The following SAMD4A variants were observed in gnomAD, a reference collection of about 807,000 sequenced individuals.
SAMD4A encodes the protein protein Smaug homolog 1.
In SAMD4A, 33 loss-of-function variants were observed where a neutral mutation model predicts 81.3. The observed-to-expected ratio is 0.41, with a 90% confidence interval of 0.31 to 0.54. The LOEUF is 0.54. Among genes scored for constraint, SAMD4A ranks in the 20% least tolerant of loss-of-function variants. SAMD4A has a pLI of 0.37. For missense variants in SAMD4A, 854 were observed against 951.1 expected, an observed-to-expected ratio of 0.90 and a Z score of 1.34; for synonymous variants, 389 against 382.1, an observed-to-expected ratio of 1.02 and a Z score of -0.21.
intron 11 of SAMD4A, among the ~76,000 whole-genome samples, chr14:54,779,567 T>C (rs900789984): frequency 3.3e-5 from 5 of 152,156 alleles, no homozygotes; most frequent in African/African-American, 1.2e-4. Context: ...AATTCATCAG[T>C]CACCTTGCTC....
At chr14:54,712,184 C>G (rs1450418387) in intron 3 of SAMD4A, among the ~76,000 whole-genome samples, 2 of 151,958 alleles carry the variant, frequency 1.3e-5, no homozygotes, top group African/African-American at 4.8e-5. Context: ...TCATCCCCAC[C>G]CAAAGCCTTT....
intron 2 of SAMD4A, among the ~76,000 whole-genome samples, chr14:54,678,065 T>C (rs1203019840): frequency 6.6e-6 from 1 of 152,218 alleles, no homozygotes; most frequent in East Asian, 1.9e-4. Context: ...AATTCAAATA[T>C]AAGTTTTGCA....
intron 2 of SAMD4A, among the ~76,000 whole-genome samples, chr14:54,632,221 A>C (rs1024102841): frequency 2.0e-5 from 3 of 152,086 alleles, no homozygotes; most frequent in Non-Finnish European, 4.4e-5. Context: ...TTAGATATAC[A>C]AAAAAAATGC....
intron 7 of SAMD4A, among the ~76,000 whole-genome samples, chr14:54,760,775 G>C (rs1019618551): frequency 6.6e-6 from 1 of 152,172 alleles, no homozygotes; most frequent in Non-Finnish European, 1.5e-5. Flanking sequence ...AGTGCTCATT[G>C]GGCCAGTGGA....
chr14:54,628,433 G>A (rs952641661), intron 2 of SAMD4A, among the ~76,000 whole-genome samples: 1 of 152,160 alleles, frequency 6.6e-6, no homozygotes, highest in Non-Finnish European at 1.5e-5. Flanking sequence ...TACTGCAGCA[G>A]TATAACTCTG....
intron 4 of SAMD4A, among the ~76,000 whole-genome samples, chr14:54,744,235 G>A (rs777516347): frequency 1.3e-5 from 2 of 152,126 alleles, no homozygotes; most frequent in African/African-American, 2.4e-5. Context: ...CAGCAATATC[G>A]ATCCCATCTT....
At chr14:54,670,284 GGTTACC>G (rs1357061605) in intron 2 of SAMD4A, among the ~76,000 whole-genome samples, 1 of 152,152 alleles carries the variant, frequency 6.6e-6, no homozygotes, top group Non-Finnish European at 1.5e-5. Context: ...TGTGAAAGTA[GGTTACC>G]GTTCATCTGG....
In SAMD4A at chr14:54,635,051, A is replaced by G. The variant is rs1020961254; in HGVS notation, c.196+66939A>G. On this transcript the variant is annotated intron_variant, in intron 2 of 12. Transcript: ENST00000554335. The stretch of plus-strand genomic sequence containing the variant: ...GAACTTGTTTTTCAAGAACATTTGT[A>G]GATAAAAGTGAGTCTCATTTCTTAA... Among the ~76,000 whole-genome samples the G allele has an allele frequency of 2.0e-5, 3 of 152,222 alleles. No homozygotes were observed. In the East Asian group the frequency reaches 5.8e-4, roughly 29 times the overall value.
chr14:54,580,301 A>G (rs2033426654), intron 2 of SAMD4A, among the ~76,000 whole-genome samples: 1 of 152,216 alleles, frequency 6.6e-6, no homozygotes, highest in African/African-American at 2.4e-5. Flanking sequence ...GACTACATTC[A>G]TTAAAATGGT....
rs144610586 is a variant in SAMD4A at position 54,706,971 on chromosome 14, G to T, written c.715+4391G>T. On this transcript the variant is annotated intron_variant, in intron 3 of 12. Transcript: ENST00000554335. The stretch of plus-strand genomic sequence containing the variant: ...GTGGCATCTGACAAGTGCAGAGTCA[G>T]CAAGTTTCAAAGTTTTGAAGTAATA... Among the ~76,000 whole-genome samples, 475 of 152,262 alleles carry T rather than the reference G, an allele frequency of 3.1e-3. 1 individual carries two copies. The highest frequency in any genetic ancestry group is 0.011 in the African/African-American group (464 of 41,562).
chr14:54,639,669 T>C (rs2035123041), intron 2 of SAMD4A, among the ~76,000 whole-genome samples: 1 of 152,150 alleles, frequency 6.6e-6, no homozygotes, highest in Non-Finnish European at 1.5e-5. Context: ...TTTTAAGGTG[T>C]TTCTCCTTTG....
In SAMD4A at chr14:54,709,629, C is replaced by A. The variant is rs180799886; in HGVS notation, c.715+7049C>A. ...AGCACCTTGTTCTAGTAAGGCCACT[C>A]AAGGGTATGCTGACTAAGAACAAGA... On this transcript the variant is annotated intron_variant, in intron 3 of 12. Coordinates refer to ENST00000554335, the MANE Select transcript of SAMD4A (RefSeq NM_015589.6). 3.1e-3 allele frequency among the ~76,000 whole-genome samples: 469 copies of A among 152,192 alleles called. 4 individuals are homozygous for A. Among genetic ancestry groups the A allele is most frequent in the African/African-American group, 0.011 (454 of 41,524 alleles).
intron 2 of SAMD4A, among the ~76,000 whole-genome samples, chr14:54,588,354 ATTT>A (rs377251584): frequency 0.022 from 3,325 of 148,130 alleles, 123 homozygotes; most frequent in African/African-American, 0.077. Context: ...TATCTTTTGT[ATTT>A]TTTTTTTGTT....
chr14:54,639,818 A>ACACACG (rs1179399324), intron 2 of SAMD4A, among the ~76,000 whole-genome samples: 2 of 151,696 alleles, frequency 1.3e-5, no homozygotes, highest in African/African-American at 4.8e-5. Context: ...ACACACACAC[A>ACACACG]CACACACACG....
chr14:54,733,677 T>G (rs1362236065), intron 3 of SAMD4A, among the ~76,000 whole-genome samples: 1 of 152,106 alleles, frequency 6.6e-6, no homozygotes, highest in Non-Finnish European at 1.5e-5. Context: ...GTAGCTGAGG[T>G]CTGAATGAAC....
chr14:54,623,694 G>A (rs1345247357), intron 2 of SAMD4A, among the ~76,000 whole-genome samples: 1 of 152,172 alleles, frequency 6.6e-6, no homozygotes, highest in Non-Finnish European at 1.5e-5. Context: ...AGGTATCCAT[G>A]TAGAAATGTT....
intron 2 of SAMD4A, among the ~76,000 whole-genome samples, chr14:54,597,113 T>C (rs1166338486): frequency 6.6e-6 from 1 of 151,938 alleles, no homozygotes; most frequent in Non-Finnish European, 1.5e-5. Flanking sequence ...TCTTTTTTTT[T>C]TTTTTTGAAA....
Position 54,776,543 on chromosome 14 carries a change from AG to A in SAMD4A, c.2044+6del, listed in dbSNP as rs2038854382. 6.4e-7 allele frequency: 1 copy of A among 1,561,026 alleles called. No individual in the cohort carries two copies. The highest frequency in any genetic ancestry group is 1.2e-5 in the South Asian group (1 of 83,446). ...CATGCTGATGTTCCAGCAGCCAGGTAGGGCCCGGCGCTTCATGTCCCCTTGA... is the reference window on the plus strand; with the variant it reads ...CATGCTGATGTTCCAGCAGCCAGGTAGGCCCGGCGCTTCATGTCCCCTTGA... On this transcript the variant is annotated splice_donor_region_variant and intron_variant, in intron 11 of 12. Coordinates refer to ENST00000554335, the MANE Select transcript of SAMD4A (RefSeq NM_015589.6).
intron 2 of SAMD4A, among the ~76,000 whole-genome samples, chr14:54,639,773 T>TAGC (rs879609762): frequency 0.25 from 38,501 of 151,206 alleles, 5,231 homozygotes; most frequent in East Asian, 0.48. Flanking sequence ...CGAGCAGATG[T>TAGC]TCTGAATGTC....
Sources: gnomAD v4.1 joint callset for allele counts (sites outside exome capture counted in the v4.1 genomes callset) on GRCh38, gnomAD v4.1.1 for gene constraint, MANE v1.5 for transcripts, NCBI Gene and HGNC (gene_info 2026-07-23, HGNC 2026-07-21) for gene names.